The following TRA2A variants were observed in gnomAD, a reference collection of about 807,000 sequenced individuals.
TRA2A encodes transformer 2 alpha homolog.
In TRA2A, 31 loss-of-function variants were observed where a neutral mutation model predicts 45.7. The ratio of observed to expected loss-of-function variants is 0.68; its 90% CI spans 0.51 to 0.92. The LOEUF (loss-of-function observed/expected upper bound fraction) is 0.92. TRA2A is among the 40% of genes least tolerant of loss of function. The pLI, the probability that TRA2A is intolerant of heterozygous loss-of-function variation, is 0.00. For synonymous variants in TRA2A, 132 were observed against 126.2 expected, an observed-to-expected ratio of 1.05 and a Z score of -0.31; for missense variants, 304 against 367.5, an observed-to-expected ratio of 0.83 and a Z score of 1.41.
intron 4 of TRA2A, among the ~76,000 whole-genome samples, chr7:23,511,899 A>T (rs1305673609): frequency 6.6e-6 from 1 of 152,252 alleles, no homozygotes; most frequent in Non-Finnish European, 1.5e-5. Context: ...ATAAATGAAC[A>T]TTTAGAGAAT....
chr7:23,517,503 A>AAAAAAAAAAAAAGAGAG (rs764849438), intron 2 of TRA2A, among the ~76,000 whole-genome samples: 3 of 116,206 alleles, frequency 2.6e-5, no homozygotes, highest in Admixed American at 1.0e-4. Context: ...AAAAAAAAAA[A>AAAAAAAAAAAAAGAGAG]AGAGAGAAAG....
At position 23,527,889 on chromosome 7, in the gene TRA2A, T is replaced by C. The variant is rs920081370; in HGVS notation, c.36+3900A>G. ...TCCTTCAGTGAAAGAACCTCAAATA[T>C]AAAAATTTGAGATTTTAATTTTTTT... On this transcript the variant is annotated intron_variant, in intron 1 of 7. Coordinates refer to ENST00000297071, the MANE Select transcript of TRA2A (RefSeq NM_013293.5). Among the ~76,000 whole-genome samples the C allele has an allele frequency of 5.3e-5, 8 of 152,186 alleles. No homozygotes were observed. The South Asian group carries it at 1.0e-3, about 20-fold the overall frequency.
intron 2 of TRA2A, among the ~76,000 whole-genome samples, chr7:23,520,199 G>C (rs1790069574): frequency 6.6e-6 from 1 of 152,236 alleles, no homozygotes. Context: ...CTGGGCAACA[G>C]AGCGAGACTC....
intron 1 of TRA2A, among the ~76,000 whole-genome samples, chr7:23,525,750 C>T (rs890210153): frequency 6.6e-6 from 1 of 152,132 alleles, no homozygotes; most frequent in African/African-American, 2.4e-5. Flanking sequence ...CGCCATCGCA[C>T]CTGGCTAACT....
At chr7:23,507,292 AG>A (rs1789387224) in intron 5 of TRA2A, 127 bp downstream of exon 5, 3 of 693,574 alleles carry the variant, frequency 4.3e-6, no homozygotes, top group African/African-American at 3.6e-5. Flanking sequence ...TAGTAGAAGC[AG>A]GGTTTTGCCA....
intron 4 of TRA2A, 148 bp from the exon 5 acceptor site, chr7:23,507,683 A>C (rs184547227): frequency 3.0e-4 from 185 of 611,376 alleles, no homozygotes; most frequent in African/African-American, 2.9e-3. Flanking sequence ...CATTGTATAG[A>C]CAATTCTAGA....
chr7:23,527,853 G>C (rs1190500015), intron 1 of TRA2A, among the ~76,000 whole-genome samples: 1 of 152,092 alleles, frequency 6.6e-6, no homozygotes, highest in Non-Finnish European at 1.5e-5. Flanking sequence ...CTTATATTGA[G>C]CAGATCAACA....
At chr7:23,510,859 AAG>A (rs1473607773) in intron 4 of TRA2A, among the ~76,000 whole-genome samples, 7 of 152,170 alleles carry the variant, frequency 4.6e-5, no homozygotes, top group Non-Finnish European at 8.8e-5. Context: ...AAAAAATCAT[AAG>A]ACTGACAAAT....
chr7:23,507,308 G>T, intron 5 of TRA2A, 112 bp downstream of exon 5: 2 of 804,460 alleles, frequency 2.5e-6, no homozygotes, highest in Non-Finnish European at 4.1e-6. Flanking sequence ...TTGCCATGTT[G>T]CCCCTTGCCA....
At chr7:23,531,499 G>T in intron 1 of TRA2A, 2 of 518,424 alleles carry the variant, frequency 3.9e-6, no homozygotes, top group Non-Finnish European at 6.8e-6. Flanking sequence ...CAGACATAAG[G>T]AAGCCTCAGG....
At chr7:23,513,913 T>A (rs1334813700) in intron 3 of TRA2A, among the ~76,000 whole-genome samples, 1 of 152,114 alleles carries the variant, frequency 6.6e-6, no homozygotes, top group East Asian at 1.9e-4. Flanking sequence ...TGTGGAATGT[T>A]GAGAAAGGTA....
chr7:23,508,709 T>C (rs1207927753), intron 4 of TRA2A, among the ~76,000 whole-genome samples: 1 of 152,204 alleles, frequency 6.6e-6, no homozygotes, highest in East Asian at 1.9e-4. Context: ...TTGGCCAGGA[T>C]GGTCTCGATC....
chr7:23,529,185 C>G (rs576885527), intron 1 of TRA2A, among the ~76,000 whole-genome samples: 1 of 152,298 alleles, frequency 6.6e-6, no homozygotes, highest in South Asian at 2.1e-4. Flanking sequence ...CAACTCATTA[C>G]TTTTATCAAG....
chr7:23,511,366 A>G (rs1393120597), intron 4 of TRA2A, among the ~76,000 whole-genome samples: 7 of 95,394 alleles, frequency 7.3e-5, no homozygotes, highest in Non-Finnish European at 1.2e-4. Context: ...GCGAGACTCC[A>G]TCTCAAAAAA....
intron 3 of TRA2A, among the ~76,000 whole-genome samples, chr7:23,514,427 C>A (rs1157728116): frequency 6.6e-6 from 1 of 152,100 alleles, no homozygotes. Context: ...TCTCTTTGAA[C>A]AACCTTTACT....
In TRA2A at chr7:23,505,522, A is replaced by AAAATT; in HGVS notation, c.*36_*37insAATTT. The AAAATT allele has an allele frequency of 2.2e-6, 1 of 454,738 alleles. No individual in the cohort carries two copies. Among genetic ancestry groups the AAAATT allele is most frequent in the Non-Finnish European group, 3.9e-6 (1 of 257,050 alleles). 28.2% of individuals were successfully genotyped at this position (454,738 alleles called of 1,614,324 possible). On this transcript the variant is annotated 3_prime_UTR_variant, in exon 8 of 8. Transcript: ENST00000297071. ...AATTAAAAAAAAAAAAAAAAAAAAGAGGAAAAAAAATGTCCTTAATTGCAA... is the reference window on the plus strand; with the variant it reads ...AATTAAAAAAAAAAAAAAAAAAAAGAAAATTGGAAAAAAAATGTCCTTAATTGCAA...
chr7:23,529,410 G>T (rs62468822), intron 1 of TRA2A, among the ~76,000 whole-genome samples: 1 of 152,026 alleles, frequency 6.6e-6, no homozygotes, highest in Non-Finnish European at 1.5e-5. Context: ...ACAGGCGCAC[G>T]CCACCACGCC....
Position 23,506,228 on chromosome 7 carries a change from C to T in TRA2A, c.680G>A (p.Gly227Asp), listed in dbSNP as rs371167724. The T allele has an allele frequency of 6.2e-7, 1 of 1,612,390 alleles. No individual in the cohort carries two copies. Among genetic ancestry groups the T allele is most frequent in the East Asian group, 2.2e-5 (1 of 44,870 alleles). Residue 227 changes from glycine to aspartate, a missense_variant, in exon 6 of 8, where the codon GGT becomes GAT. Transcript: ENST00000297071. ...ATCTCGACGTCTGCCACCACCTCCA[C>T]CTCCACCGCCGCCGCCTCCTCCACC... ...GGGGGGGGGGGGGGGRRRDSY... is the reference protein window; with the variant it reads ...GGGGGGGGGGDGGGGRRRDSY...
intron 1 of TRA2A, among the ~76,000 whole-genome samples, chr7:23,530,586 GAACTCACTTCTACT>G (rs1262181338): frequency 2.0e-5 from 3 of 152,230 alleles, no homozygotes; most frequent in African/African-American, 4.8e-5. Context: ...GGTTTCACAC[GAACTCACTTCTACT>G]AACTCACTTC....
Sources: allele counts gnomAD v4.1 joint callset (sites outside exome capture counted in the v4.1 genomes callset), GRCh38; gene constraint gnomAD v4.1.1; transcripts MANE v1.5; gene names NCBI Gene and HGNC (gene_info 2026-07-23, HGNC 2026-07-21).